Variants in FMN1 observed in about 807,000 individuals in gnomAD.
FMN1 encodes formin 1, also known as formin-1.
In FMN1, 110 loss-of-function variants were observed where a neutral mutation model predicts 132.4. The observed-to-expected ratio is 0.83, with a 90% CI of 0.71 to 0.97. The LOEUF (loss-of-function observed/expected upper bound fraction) is 0.97, where lower values mean the gene tolerates loss of function less well. FMN1 is among the 50% of genes least tolerant of loss of function. The pLI is 0.00. For synonymous variants in FMN1, 722 were observed against 651.7 expected, an observed-to-expected ratio of 1.11 and a Z score of -1.64; for missense variants, 1,792 against 1,705.3, an observed-to-expected ratio of 1.05 and a Z score of -0.90.
chr15:33,098,499 G>A (rs1438762857), intron 4 of FMN1, among the ~76,000 whole-genome samples: 1 of 152,140 alleles, frequency 6.6e-6, no homozygotes, highest in Non-Finnish European at 1.5e-5. Flanking sequence ...AGAAAGAACT[G>A]GGAGACAATG....
At chr15:32,785,962 A>C (rs1364748794) in intron 19 of FMN1, among the ~76,000 whole-genome samples, 1 of 152,240 alleles carries the variant, frequency 6.6e-6, no homozygotes, top group African/African-American at 2.4e-5. Flanking sequence ...AAAAGATTTT[A>C]ATATCACTCG....
chr15:32,961,213 A>T (rs917016661), intron 9 of FMN1, among the ~76,000 whole-genome samples: 1 of 151,082 alleles, frequency 6.6e-6, no homozygotes, highest in Non-Finnish European at 1.5e-5. Flanking sequence ...AGCTCACTGC[A>T]ACCTCTGCCT....
chr15:33,085,166 A>C (rs1372811630), intron 5 of FMN1, among the ~76,000 whole-genome samples: 3 of 152,240 alleles, frequency 2.0e-5, no homozygotes, highest in Admixed American at 6.5e-5. Context: ...TACATGAGTT[A>C]AGTTCTTTAG....
chr15:32,807,159 T>C (rs939600880), intron 17 of FMN1, among the ~76,000 whole-genome samples: 1 of 152,226 alleles, frequency 6.6e-6, no homozygotes, highest in Non-Finnish European at 1.5e-5. Context: ...ATTTAGAATA[T>C]GAACATAAGC....
rs1555375420 is a variant in FMN1 at position 32,994,232 on chromosome 15, TCA to T, written c.2223+13780_2223+13781del. Among the ~76,000 whole-genome samples the T allele has an allele frequency of 6.3e-3, 234 of 37,256 alleles. 4 individuals carry two copies. Among genetic ancestry groups the T allele is most frequent in the African/African-American group, 0.013 (226 of 17,970 alleles). The allele number at this position is 37,256 out of a possible 152,430, so 24.4% of individuals were successfully genotyped here. On this transcript the variant is annotated intron_variant, in intron 7 of 20. Transcript: ENST00000616417. The stretch of plus-strand genomic sequence containing the variant: ...TCATTCCTCTCTCTCTCTCTCTCTC[TCA>T]CACACACACACACACAGACACACAC...
intron 7 of FMN1, among the ~76,000 whole-genome samples, chr15:32,971,492 C>G (rs2031788473): frequency 6.6e-6 from 1 of 152,130 alleles, no homozygotes; most frequent in East Asian, 1.9e-4. Flanking sequence ...GTTTCAACAT[C>G]GTATCATTTC....
intron 6 of FMN1, among the ~76,000 whole-genome samples, chr15:33,017,573 A>C (rs2035131025): frequency 6.6e-6 from 1 of 152,196 alleles, no homozygotes; most frequent in Non-Finnish European, 1.5e-5. Flanking sequence ...ATATCAGAAA[A>C]ATAAAATATT....
intron 2 of FMN1, among the ~76,000 whole-genome samples, chr15:33,183,857 G>A (rs1055666581): frequency 6.6e-6 from 1 of 152,076 alleles, no homozygotes; most frequent in Non-Finnish European, 1.5e-5. Flanking sequence ...TGTTTCAAAA[G>A]TGTTACTCTT....
At chr15:32,883,138 A>C (rs1209290591) in intron 16 of FMN1, among the ~76,000 whole-genome samples, 1 of 152,218 alleles carries the variant, frequency 6.6e-6, no homozygotes, top group African/African-American at 2.4e-5. Context: ...TCAACTCTTG[A>C]TCAACTGCAG....
chr15:33,077,235 A>G (rs865823559), intron 5 of FMN1, among the ~76,000 whole-genome samples: 2 of 151,066 alleles, frequency 1.3e-5, no homozygotes, highest in African/African-American at 2.4e-5. Context: ...GGGTTTCTCT[A>G]TGTTGCTCAG....
chr15:33,091,700 T>C (rs2038908847), intron 4 of FMN1, among the ~76,000 whole-genome samples: 1 of 151,686 alleles, frequency 6.6e-6, no homozygotes, highest in African/African-American at 2.4e-5. Flanking sequence ...GAATGGAGAG[T>C]TTTAGTAATA....
intron 17 of FMN1, among the ~76,000 whole-genome samples, chr15:32,807,855 T>C (rs1288758972): frequency 6.6e-6 from 1 of 152,224 alleles, no homozygotes. Flanking sequence ...ATTTTGCCCT[T>C]GTACAGATAC....
At chr15:32,871,393 C>T (rs951870212) in intron 16 of FMN1, among the ~76,000 whole-genome samples, 1 of 152,100 alleles carries the variant, frequency 6.6e-6, no homozygotes, top group Non-Finnish European at 1.5e-5. Context: ...TTGATTCTTT[C>T]TATTAACATA....
At chr15:33,116,601 C>T (rs1351300888) in intron 4 of FMN1, among the ~76,000 whole-genome samples, 1 of 151,900 alleles carries the variant, frequency 6.6e-6, no homozygotes. Flanking sequence ...TTTTTAACAC[C>T]TCCCAGGCTT....
chr15:33,042,595 T>C (rs1027514598), intron 6 of FMN1, among the ~76,000 whole-genome samples: 2 of 152,172 alleles, frequency 1.3e-5, no homozygotes, highest in Non-Finnish European at 2.9e-5. Context: ...CATATAAAAG[T>C]GATTTATAAA....
intron 10 of FMN1, among the ~76,000 whole-genome samples, chr15:32,911,840 C>T (rs554365704): frequency 4.6e-5 from 7 of 151,886 alleles, no homozygotes; most frequent in African/African-American, 1.7e-4. Flanking sequence ...CAATGTGAAA[C>T]CAGTAAAGAA....
At chr15:33,053,318 T>C (rs752470892) in intron 6 of FMN1, among the ~76,000 whole-genome samples, 9 of 152,216 alleles carry the variant, frequency 5.9e-5, no homozygotes, top group Non-Finnish European at 7.3e-5. Flanking sequence ...TGCCTGGGCA[T>C]TGCCACATTC....
chr15:32,796,248 G>A (rs1246981149), intron 19 of FMN1, among the ~76,000 whole-genome samples: 7 of 152,222 alleles, frequency 4.6e-5, no homozygotes, highest in Non-Finnish European at 8.8e-5. Context: ...TCATTTGGAA[G>A]TAGAATTTAA....
At chr15:32,915,385 A>G (rs1044395284) in intron 10 of FMN1, among the ~76,000 whole-genome samples, 10 of 152,388 alleles carry the variant, frequency 6.6e-5, no homozygotes, top group Admixed American at 5.2e-4. Context: ...TAGCCATTAC[A>G]TAAGCCCAAT....
Sources: allele counts gnomAD v4.1 joint callset (sites outside exome capture counted in the v4.1 genomes callset), GRCh38; gene constraint gnomAD v4.1.1; transcripts MANE v1.5; gene names NCBI Gene and HGNC (gene_info 2026-07-23, HGNC 2026-07-21).